Variants in ZFYVE28 observed in about 807,000 individuals in gnomAD.
The protein encoded by ZFYVE28 is zinc finger FYVE-type containing 28.
Under a neutral mutation model 82.1 loss-of-function variants are expected in ZFYVE28, and 40 were observed. That is an observed-to-expected ratio of 0.49 (90% CI 0.38 to 0.63). The LOEUF (loss-of-function observed/expected upper bound fraction) is 0.63, where lower values mean the gene tolerates loss of function less well. Ranked by LOEUF, ZFYVE28 falls within the 30% of genes least tolerant of loss-of-function variation. The pLI is 0.00. For missense variants in ZFYVE28, 1,321 were observed against 1,242.1 expected (o/e 1.06, Z -0.96); for synonymous variants, 612 against 546.1 (o/e 1.12, Z -1.68).
In ZFYVE28 at chr4:2,418,210, T is replaced by C. The variant is rs1205996806; in HGVS notation, c.39+75A>G. 25 of 1,398,406 alleles carry C rather than the reference T, an allele frequency of 1.8e-5. No individual in the cohort carries two copies. The highest frequency in any genetic ancestry group is 2.4e-5 in the Non-Finnish European group (25 of 1,045,912). 86.6% of individuals were successfully genotyped at this position (1,398,406 alleles called of 1,614,324 possible). On this transcript the variant is annotated intron_variant, in intron 1 of 12. Coordinates refer to ENST00000290974, the MANE Select transcript of ZFYVE28 (RefSeq NM_020972.3). This position sits in a 1 kb window ranked among gnomAD's most constrained non-coding sequence, Gnocchi z 4.6. ...GGACAGGGAAAGGGAGTCCGTCTTG[T>C]AGGGCGGACGGGCGGTCCTGGGGAA...
Position 2,304,360 on chromosome 4 carries a change from C to T in ZFYVE28, c.1980G>A (p.Glu660=). The T allele has an allele frequency of 1.2e-6, 2 of 1,610,112 alleles. No individual in the cohort carries two copies. Among genetic ancestry groups the T allele is most frequent in the Non-Finnish European group, 8.5e-7 (1 of 1,179,902 alleles). The change falls in exon 8 of 13, where the codon GAG becomes GAA. Residue 660 remains glutamate (E), a synonymous_variant. Transcript: ENST00000290974. ...QGEAGVAGQQ[E]PEARELHAGS... ...CAGCATGCAGCTCTCTGGCCTCTGG[C>T]TCCTGCTGACCTGCAACCCCAGCCT... is the stretch of plus-strand genomic sequence containing the variant.
rs1334060556 is a variant in ZFYVE28 at position 2,362,899 on chromosome 4, G to T, written c.40-8826C>A. Among the ~76,000 whole-genome samples, 1 of 152,052 alleles carries T rather than the reference G, an allele frequency of 6.6e-6. No homozygotes were observed. The highest frequency in any genetic ancestry group is 1.5e-5 in the Non-Finnish European group (1 of 67,984). The stretch of plus-strand genomic sequence containing the variant: ...TCACTTCCTGCCTTGGCCTCCTGCG[G>T]ACCCCACCCACCCCTGCTCTCTCTC... On this transcript the variant is annotated intron_variant, in intron 1 of 12. Transcript: ENST00000290974. The surrounding 1 kb of genome is among the most constrained non-coding windows in gnomAD (Gnocchi z 5.1).
chr4:2,329,417 A>G (rs772789339), intron 6 of ZFYVE28, among the ~76,000 whole-genome samples: 39 of 152,196 alleles, frequency 2.6e-4, no homozygotes, highest in Non-Finnish European at 5.1e-4. Context: ...ATTACATCCA[A>G]TGGAATATTA....
At chr4:2,399,997 C>G (rs756452589) in intron 1 of ZFYVE28, among the ~76,000 whole-genome samples, 1 of 152,226 alleles carries the variant, frequency 6.6e-6, no homozygotes, top group African/African-American at 2.4e-5. Context: ...GCCGGCACCA[C>G]GCAGCACGCA....
intron 1 of ZFYVE28, among the ~76,000 whole-genome samples, chr4:2,358,422 G>A (rs1725652893): frequency 6.6e-6 from 1 of 152,184 alleles, no homozygotes; most frequent in Non-Finnish European, 1.5e-5. Flanking sequence ...GGCATGGGAG[G>A]TAGGGAACCC....
Position 2,417,682 on chromosome 4 carries a change from C to T in ZFYVE28, c.39+603G>A, listed in dbSNP as rs940101485. On this transcript the variant is annotated intron_variant, in intron 1 of 12. Transcript: ENST00000290974. The surrounding 1 kb of genome is among the most constrained non-coding windows in gnomAD (Gnocchi z 4.8). ...GTCAGTCCTGGTTCGGGAAGGGAGG[C>T]CGTTGGCAGGGCCATCAGGATCCTC... Among the ~76,000 whole-genome samples the T allele has an allele frequency of 3.3e-5, 5 of 151,830 alleles. No homozygotes were observed. Among genetic ancestry groups the T allele is most frequent in the Admixed American group, 2.0e-4 (3 of 15,260 alleles).
chr4:2,334,406 C>G (rs530607496), intron 6 of ZFYVE28, among the ~76,000 whole-genome samples: 1 of 152,120 alleles, frequency 6.6e-6, no homozygotes, highest in South Asian at 2.1e-4. Flanking sequence ...GCACTTCTGT[C>G]CCCTGCAGGC....
chr4:2,351,819 C>A (rs1724500272), intron 2 of ZFYVE28, among the ~76,000 whole-genome samples: 1 of 152,300 alleles, frequency 6.6e-6, no homozygotes, highest in Admixed American at 6.5e-5. Flanking sequence ...CTCCCATGGC[C>A]CCCTTCTGGG....
chr4:2,274,038 C>A, intron 9 of ZFYVE28, 24 bp downstream of exon 9: 2 of 1,611,990 alleles, frequency 1.2e-6, no homozygotes, highest in Middle Eastern at 1.7e-4. Context: ...AGCCATGCAC[C>A]GGTCTCAGGC....
intron 1 of ZFYVE28, among the ~76,000 whole-genome samples, chr4:2,357,921 C>A (rs923622849): frequency 6.6e-6 from 1 of 152,216 alleles, no homozygotes; most frequent in Non-Finnish European, 1.5e-5. Flanking sequence ...CAGGTCAACA[C>A]GGGCCCCTCG....
chr4:2,319,707 G>T (rs570888582), intron 7 of ZFYVE28, among the ~76,000 whole-genome samples: 114 of 152,244 alleles, frequency 7.5e-4, no homozygotes, highest in African/African-American at 2.6e-3. Flanking sequence ...TTAAAAGGGG[G>T]TCTCCCATGT....
chr4:2,334,351 T>C (rs116477853), intron 6 of ZFYVE28, among the ~76,000 whole-genome samples: 4,696 of 152,004 alleles, frequency 0.031, 247 homozygotes, highest in African/African-American at 0.11. Context: ...CAGCCCCCAT[T>C]GCTCCCCACT....
chr4:2,290,698 GCAGGGGCCAGGCCAGGGCTGGGC>G (rs1164943821), intron 8 of ZFYVE28, among the ~76,000 whole-genome samples: 4 of 152,174 alleles, frequency 2.6e-5, no homozygotes, highest in Admixed American at 1.3e-4. Context: ...CTGCTGTGGG[GCAGGGGCCAGGCCAGGGCTGGGC>G]CAGGGGCCAG....
rs1354945188 is a variant in ZFYVE28 at position 2,335,864 on chromosome 4, G to GGGACA, written c.612-75_612-71dup. 12 of 1,366,192 alleles carry GGGACA rather than the reference G, an allele frequency of 8.8e-6. No homozygotes were observed. Among genetic ancestry groups the GGGACA allele is most frequent in the Non-Finnish European group, 1.2e-5 (12 of 983,560 alleles). The allele number at this position is 1,366,192 out of a possible 1,614,324, so 84.6% of individuals were successfully genotyped here. A position where few individuals can be genotyped will look rare whatever the true frequency, so the allele number is the denominator to read the frequency against. Reference sequence around the variant, plus strand: ...CACAGCCACAGGTTGGACCCCAGCAGGGACAGGCAGTGCGCTCAATCTGTA... The same window carrying GGGACA: ...CACAGCCACAGGTTGGACCCCAGCAGGGACAGGACAGGCAGTGCGCTCAATCTGTA... On this transcript the variant is annotated intron_variant, in intron 5 of 12. Coordinates refer to ENST00000290974, the MANE Select transcript of ZFYVE28 (RefSeq NM_020972.3). This position sits in a 1 kb window ranked among gnomAD's most constrained non-coding sequence, Gnocchi z 5.8.
intron 2 of ZFYVE28, among the ~76,000 whole-genome samples, chr4:2,349,721 T>C (rs1724080626): frequency 2.7e-5 from 4 of 148,364 alleles, no homozygotes; most frequent in African/African-American, 7.6e-5. Context: ...AGTCAGTATT[T>C]ATCGAGTAAA....
Position 2,418,524 on chromosome 4 carries a change from T to C in ZFYVE28, c.-201A>G. Reference sequence around the variant, plus strand: ...CAGGTGCGCGGCCCTGAGTATGCTCTGCAAGCGGCGCGCCGGGCAGACCTC... The same window carrying C: ...CAGGTGCGCGGCCCTGAGTATGCTCCGCAAGCGGCGCGCCGGGCAGACCTC... On this transcript the variant is annotated 5_prime_UTR_variant, in exon 1 of 13. Coordinates refer to ENST00000290974, the MANE Select transcript of ZFYVE28 (RefSeq NM_020972.3). This position sits in a 1 kb window ranked among gnomAD's most constrained non-coding sequence, Gnocchi z 4.6. 3 of 194,402 alleles carry C rather than the reference T, an allele frequency of 1.5e-5. No individual in the cohort carries two copies. The highest frequency in any genetic ancestry group is 3.6e-4 in the South Asian group (2 of 5,562). 12.0% of individuals were successfully genotyped at this position (194,402 alleles called of 1,614,324 possible). A position where few individuals can be genotyped will look rare whatever the true frequency, so the allele number is the denominator to read the frequency against.
chr4:2,400,923 C>A (rs1288256873), intron 1 of ZFYVE28, among the ~76,000 whole-genome samples: 1 of 152,214 alleles, frequency 6.6e-6, no homozygotes, highest in Non-Finnish European at 1.5e-5. Context: ...CCAATCCAAT[C>A]AGGTTGGCAG....
At position 2,305,344 on chromosome 4, in the gene ZFYVE28, G is replaced by C. The variant is rs778202457; in HGVS notation, c.996C>G (p.Ala332=). Residue 332 remains alanine (A), a synonymous_variant, in exon 8 of 13, where the codon GCC becomes GCG. Coordinates refer to ENST00000290974, the MANE Select transcript of ZFYVE28 (RefSeq NM_020972.3). ...CCTGGTCGTCGTACTGCATGGAGCA[G>C]GCCAGCTCTGCATCCGGGTCTTTGG... is the stretch of plus-strand genomic sequence containing the variant. ...AKAKDPDAEL[A]CSMQYDDQEL... 1 of 1,612,948 alleles carries C rather than the reference G, an allele frequency of 6.2e-7. No individual in the cohort carries two copies. The highest frequency in any genetic ancestry group is 8.5e-7 in the Non-Finnish European group (1 of 1,179,858).
rs374684774 is a variant in ZFYVE28 at position 2,353,986 on chromosome 4, G to C, written c.127C>G (p.Arg43Gly). The C allele has an allele frequency of 5.7e-6, 9 of 1,584,520 alleles. No individual in the cohort carries two copies. The African/African-American group carries it at 1.2e-4, about 22-fold the overall frequency. ...AGCGTGCACCGCTGGGGGTCCTTCC[G>C]CCCATCCAGGCTGTCCAGCTCCGCG... ...VAAELDSLDGRKDPQRCTLLV... is the reference protein window; with the variant it reads ...VAAELDSLDGGKDPQRCTLLV... The change falls in exon 2 of 13, where the codon CGG (arginine) becomes GGG (glycine). Residue 43 changes from arginine (R) to glycine (G), a missense_variant. Physicochemically the swap from Arg to Gly is moderately radical, Grantham distance 125. Around this residue, in one of 2 missense-constraint regions of ZFYVE28, gnomAD observed 343 missense variants for 408.4 expected, o/e 0.84. Transcript: ENST00000290974.
Sources: gnomAD v4.1 joint callset for allele counts (sites outside exome capture counted in the v4.1 genomes callset) on GRCh38, gnomAD v4.1.1 for gene constraint, gnomAD v4.1.1 regional missense constraint, Gnocchi (gnomAD v3.1) non-coding constraint, MANE v1.5 for transcripts, NCBI Gene and HGNC (gene_info 2026-07-23, HGNC 2026-07-21) for gene names.